NAA60: variants seen among roughly 807,000 people sequenced by gnomAD.
The protein encoded by NAA60 is N-alpha-acetyltransferase 60.
NAA60 carries 8 observed loss-of-function variants against 26.1 expected under a neutral mutation model. The ratio of observed to expected loss-of-function variants is 0.31; its 90% CI spans 0.18 to 0.55. The LOEUF (loss-of-function observed/expected upper bound fraction) is 0.55. Among genes scored for constraint, NAA60 ranks in the 20% least tolerant of loss-of-function variants. The pLI is 0.93. For synonymous variants in NAA60, 131 were observed against 122.5 expected, an observed-to-expected ratio of 1.07 and a Z score of -0.46; for missense variants, 290 against 311.3, an observed-to-expected ratio of 0.93 and a Z score of 0.51.
chr16:3,454,672 G>C (rs941597448), intron 2 of NAA60, among the ~76,000 whole-genome samples: 1 of 152,194 alleles, frequency 6.6e-6, no homozygotes, highest in Non-Finnish European at 1.5e-5. Context: ...AAGAGGTGGA[G>C]GACCAATCAG....
At chr16:3,446,825 G>A (rs1459045590) in intron 1 of NAA60, among the ~76,000 whole-genome samples, 1 of 152,106 alleles carries the variant, frequency 6.6e-6, no homozygotes, top group East Asian at 1.9e-4. Flanking sequence ...TGGCCAGGCT[G>A]GTCTCAAACT....
intron 7 of NAA60, 43 bp downstream of exon 7, chr16:3,485,104 C>A: frequency 8.1e-7 from 1 of 1,229,294 alleles, no homozygotes; most frequent in Non-Finnish European, 1.2e-6. Flanking sequence ...TTGGTGCCTC[C>A]AGCCACAAAA....
intron 2 of NAA60, chr16:3,458,320 C>T (rs906110884): frequency 6.2e-5 from 27 of 435,532 alleles, no homozygotes; most frequent in Non-Finnish European, 7.9e-5. Flanking sequence ...CAGGCCCGGC[C>T]GCGCCCGCGC....
chr16:3,474,201 A>C (rs1169274429), intron 2 of NAA60, among the ~76,000 whole-genome samples: 1 of 152,214 alleles, frequency 6.6e-6, no homozygotes, highest in African/African-American at 2.4e-5. Context: ...TGAGAACCAC[A>C]CAAGTTAGGA....
chr16:3,479,101 G>A (rs759269562), intron 3 of NAA60, among the ~76,000 whole-genome samples: 8 of 152,146 alleles, frequency 5.3e-5, no homozygotes, highest in South Asian at 4.2e-4. Context: ...TTAGCCGGGC[G>A]TGGTGGCACA....
At chr16:3,461,512 C>T (rs749161636) in intron 2 of NAA60, among the ~76,000 whole-genome samples, 1 of 152,136 alleles carries the variant, frequency 6.6e-6, no homozygotes, top group African/African-American at 2.4e-5. Flanking sequence ...GAGAAGCCAT[C>T]GCGAGAACTG....
intron 2 of NAA60, among the ~76,000 whole-genome samples, chr16:3,471,196 A>C (rs1170731293): frequency 1.3e-5 from 2 of 152,068 alleles, no homozygotes; most frequent in Non-Finnish European, 2.9e-5. Flanking sequence ...AGATTTGTGA[A>C]AATCTTTAAA....
intron 1 of NAA60, among the ~76,000 whole-genome samples, chr16:3,444,717 G>C (rs1442547834): frequency 6.6e-6 from 1 of 152,212 alleles, no homozygotes; most frequent in African/African-American, 2.4e-5. Flanking sequence ...CGGTGGCCCA[G>C]TGACAACATC....
rs1325505520 is a variant in NAA60 at position 3,479,557 on chromosome 16, T to C, written c.197T>C (p.Met66Thr). 2.5e-6 allele frequency: 4 copies of C among 1,614,014 alleles called. No individual in the cohort carries two copies. The highest frequency in any genetic ancestry group is 2.5e-6 in the Non-Finnish European group (3 of 1,179,882). ...AATYRGAIVGMIVAEIKNRTK... is the reference protein window; with the variant it reads ...AATYRGAIVGTIVAEIKNRTK... The stretch of plus-strand genomic sequence containing the variant: ...ACCTACAGAGGTGCCATTGTGGGAA[T>C]GATAGTAGCTGAAATTAAGAACAGG... The change falls in exon 4 of 8, where the codon ATG becomes ACG. Residue 66 changes from methionine (M) to threonine (T), a missense_variant. By Grantham distance (81) the Met-to-Thr change is moderately conservative. Transcript: ENST00000407558.
intron 1 of NAA60, among the ~76,000 whole-genome samples, chr16:3,444,787 G>A (rs2034482811): frequency 6.6e-6 from 1 of 152,108 alleles, no homozygotes. Flanking sequence ...ATAGAATCCA[G>A]GTAAAATATA....
intron 2 of NAA60, among the ~76,000 whole-genome samples, chr16:3,460,801 G>C (rs899117012): frequency 1.3e-5 from 2 of 152,214 alleles, no homozygotes; most frequent in South Asian, 4.1e-4. Flanking sequence ...AAAAGATGCT[G>C]AAAGTCCTTT....
chr16:3,457,955 A>AG (rs1429125563), intron 2 of NAA60: 1 of 983,516 alleles, frequency 1.0e-6, no homozygotes, highest in African/African-American at 1.7e-5. Context: ...CGCCGGCCTC[A>AG]GGGGGCGGGG....
chr16:3,450,149 A>G (rs1034139246), intron 2 of NAA60: 3 of 369,498 alleles, frequency 8.1e-6, no homozygotes, highest in Non-Finnish European at 1.4e-5. Context: ...ACATTAATAA[A>G]CCCTTCAGAA....
chr16:3,450,195 G>C, intron 2 of NAA60: 1 of 353,682 alleles, frequency 2.8e-6, no homozygotes, highest in Non-Finnish European at 5.1e-6. Context: ...CCTTGTGCTA[G>C]TCTCATGGAG....
At chr16:3,465,644 T>C (rs1487185145) in intron 2 of NAA60, among the ~76,000 whole-genome samples, 1 of 152,154 alleles carries the variant, frequency 6.6e-6, no homozygotes, top group Non-Finnish European at 1.5e-5. Flanking sequence ...TGCAGAGGGA[T>C]GGATCCCTGC....
chr16:3,483,678 G>T (rs2036987731), intron 6 of NAA60, 81 bp downstream of exon 6: 2 of 1,086,420 alleles, frequency 1.8e-6, no homozygotes, highest in Non-Finnish European at 2.8e-6. Flanking sequence ...TGGAGCTGTG[G>T]TCCCCCTCAG....
At chr16:3,477,004 G>A (rs550044160) in intron 3 of NAA60, among the ~76,000 whole-genome samples, 1 of 151,838 alleles carries the variant, frequency 6.6e-6, no homozygotes, top group Non-Finnish European at 1.5e-5. Context: ...TTGCGCCATT[G>A]CACTCCAGCC....
chr16:3,485,245 C>T (rs1368952196), intron 7 of NAA60, 184 bp downstream of exon 7: 5 of 655,208 alleles, frequency 7.6e-6, no homozygotes, highest in South Asian at 6.0e-5. Flanking sequence ...ACAGCAGGCT[C>T]CATGGCAACT....
Position 3,483,554 on chromosome 16 carries a change from T to C in NAA60, c.529T>C (p.Tyr177His). 1 of 1,613,308 alleles carries C rather than the reference T, an allele frequency of 6.2e-7. No individual in the cohort carries two copies. Among genetic ancestry groups the C allele is most frequent in the Non-Finnish European group, 8.5e-7 (1 of 1,179,660 alleles). ...IRGVLKDGFTYVLYINGGHPP... is the reference protein window; with the variant it reads ...IRGVLKDGFTHVLYINGGHPP... ...AGGGGTCCTCAAAGATGGCTTCACC[T>C]ATGTCCTCTACATCAACGGCGGCCA... Residue 177 changes from tyrosine (Y) to histidine (H), a missense_variant, in exon 6 of 8, where the codon TAT becomes CAT. Coordinates refer to ENST00000407558, the MANE Select transcript of NAA60 (RefSeq NM_001083601.3).
Sources: allele counts gnomAD v4.1 joint callset (sites outside exome capture counted in the v4.1 genomes callset), GRCh38; gene constraint gnomAD v4.1.1; transcripts MANE v1.5; gene names NCBI Gene and HGNC (gene_info 2026-07-23, HGNC 2026-07-21).